LIMS2: variants seen among roughly 807,000 people sequenced by gnomAD.
The protein encoded by LIMS2 is LIM and senescent cell antigen-like-containing domain protein 2.
A neutral mutation model predicts 45.3 loss-of-function variants in LIMS2; 30 were observed. The observed-to-expected ratio is 0.66, with a 90% CI of 0.50 to 0.90. The LOEUF (loss-of-function observed/expected upper bound fraction) is 0.90. Among genes scored for constraint, LIMS2 ranks in the 40% least tolerant of loss-of-function variants. The probability of loss-of-function intolerance (pLI) is 0.00; values close to 1 mark genes in which losing one functional copy is unlikely to be tolerated. For synonymous variants in LIMS2, 173 were observed against 188.0 expected (o/e 0.92, Z 0.65); for missense variants, 485 against 468.7 (o/e 1.03, Z -0.32).
Position 127,654,588 on chromosome 2 carries a change from T to C in LIMS2, c.239-44A>G, listed in dbSNP as rs547160677. 3.7e-6 allele frequency: 6 copies of C among 1,613,252 alleles called. No individual in the cohort carries two copies. The South Asian group carries it at 5.5e-5, about 15-fold the overall frequency. ...CTGCTGGCTGGGGAGCACGTGCCTG[T>C]CCCCTCTTCGGACCCTCCCAAGCCC... On this transcript the variant is annotated intron_variant, in intron 3 of 9. Coordinates refer to ENST00000355119, the MANE Select transcript of LIMS2 (RefSeq NM_001161403.3).
intron 4 of LIMS2, chr2:127,650,177 G>A (rs1248459330): frequency 9.0e-7 from 1 of 1,112,364 alleles, no homozygotes; most frequent in Admixed American, 2.1e-5. Context: ...GTCAGGGGAA[G>A]CAGAAAGCGG....
At chr2:127,668,439 C>G (rs1379664734) in intron 1 of LIMS2, among the ~76,000 whole-genome samples, 1 of 151,648 alleles carries the variant, frequency 6.6e-6, no homozygotes, top group Non-Finnish European at 1.5e-5. Flanking sequence ...GAGGCCAAGG[C>G]AGGTGGATCA....
At chr2:127,660,509 C>T (rs59473410) in intron 1 of LIMS2, among the ~76,000 whole-genome samples, 5,942 of 152,182 alleles carry the variant, frequency 0.039, 208 homozygotes, top group African/African-American at 0.094. Context: ...CAGATAATTC[C>T]GGATGTGCCA....
chr2:127,650,567 A>G (rs558867451), intron 4 of LIMS2: 56 of 619,236 alleles, frequency 9.0e-5, no homozygotes, highest in Non-Finnish European at 1.4e-4. Flanking sequence ...CCAAATGGAC[A>G]AGGAGGTCCC....
chr2:127,640,362 C>A (rs1359761188), intron 7 of LIMS2, 44 bp from the exon 8 acceptor site: 2 of 1,600,954 alleles, frequency 1.2e-6, no homozygotes, highest in South Asian at 1.1e-5. Flanking sequence ...GGCAGTCACA[C>A]CCCAGCCCAG....
chr2:127,660,879 T>C (rs1340011371), intron 1 of LIMS2, among the ~76,000 whole-genome samples: 2 of 145,836 alleles, frequency 1.4e-5, no homozygotes, highest in Admixed American at 6.8e-5. Flanking sequence ...AGGGAGATCA[T>C]TGCTGCCTGT....
chr2:127,664,193 GCAGAGCC>G lies in LIMS2; in HGVS notation c.12-6638_12-6632del. The G allele has an allele frequency of 1.1e-6, 1 of 877,574 alleles. No individual in the cohort carries two copies. The highest frequency in any genetic ancestry group is 1.5e-6 in the Non-Finnish European group (1 of 683,094). The allele number at this position is 877,574 out of a possible 1,614,324, so 54.4% of individuals were successfully genotyped here. On this transcript the variant is annotated intron_variant, in intron 1 of 9. Coordinates refer to ENST00000355119, the MANE Select transcript of LIMS2 (RefSeq NM_001161403.3). This position sits in a 1 kb window ranked among gnomAD's most constrained non-coding sequence, Gnocchi z 5.5. ...AACCCAGGGCCCATCCGACGCCGGG[GCAGAGCC>G]CACGGCGTCGGAGGGCCCCGGTCGG... is the stretch of plus-strand genomic sequence containing the variant.
intron 4 of LIMS2, 117 bp downstream of exon 4, chr2:127,654,307 G>A: frequency 2.1e-6 from 3 of 1,405,178 alleles, no homozygotes; most frequent in Non-Finnish European, 3.0e-6. Context: ...ATCAGTGCAG[G>A]CTGCAGCACC....
At position 127,642,423 on chromosome 2, in the gene LIMS2, C is replaced by G. The variant is rs1021873865; in HGVS notation, c.510-224G>C. 1.0e-5 allele frequency: 5 copies of G among 478,104 alleles called. No homozygotes were observed. In the East Asian group the frequency reaches 1.3e-4, roughly 13 times the overall value. The allele number at this position is 478,104 out of a possible 1,614,324, so 29.6% of individuals were successfully genotyped here. ...ACAGCCCAGAAGAGTGGGCTGTGTT[C>G]TGCACCCAGGCCTCTGAGAAGCAGG... On this transcript the variant is annotated intron_variant, in intron 5 of 9. Transcript: ENST00000355119. The surrounding 1 kb of genome is among the most constrained non-coding windows in gnomAD (Gnocchi z 5.3).
chr2:127,677,815 G>A (rs1394629252), upstream of LIMS2, among the ~76,000 whole-genome samples: 6 of 152,340 alleles, frequency 3.9e-5, no homozygotes, highest in African/African-American at 1.4e-4. This position sits in a 1 kb window ranked among gnomAD's most constrained non-coding sequence, Gnocchi z 5.0. Context: ...ACATTTGTCT[G>A]TGGTAGAAAA....
chr2:127,641,023 G>A, intron 6 of LIMS2, 35 bp from the exon 7 acceptor site: 1 of 1,578,552 alleles, frequency 6.3e-7, no homozygotes, highest in Non-Finnish European at 8.7e-7. Context: ...GTGGCATCAG[G>A]GCTAGAGCGG....
chr2:127,643,477 C>T (rs1682643284), intron 4 of LIMS2: 2 of 457,142 alleles, frequency 4.4e-6, no homozygotes, highest in Non-Finnish European at 8.8e-6. Context: ...CAGTGAGTGT[C>T]CCGGGAGGCC....
In LIMS2 at chr2:127,642,582, C is replaced by G. The variant is rs954734059; in HGVS notation, c.509+341G>C. The stretch of plus-strand genomic sequence containing the variant: ...GCCTATGCAACTCCTCTCTCCAACA[C>G]CAGCACCAAGCCCACTCCCGGTCTC... On this transcript the variant is annotated intron_variant, in intron 5 of 9. Transcript: ENST00000355119. This position sits in a 1 kb window ranked among gnomAD's most constrained non-coding sequence, Gnocchi z 5.3. 5.1e-5 allele frequency: 20 copies of G among 389,804 alleles called. No individual in the cohort carries two copies. Among genetic ancestry groups the G allele is most frequent in the African/African-American group, 4.1e-4 (20 of 49,174 alleles). The allele number at this position is 389,804 out of a possible 1,614,324, so 24.1% of individuals were successfully genotyped here.
At position 127,639,139 on chromosome 2, in the gene LIMS2, A is replaced by C; in HGVS notation, c.*142T>G. 6.0e-6 allele frequency: 5 copies of C among 826,536 alleles called. No homozygotes were observed. Among genetic ancestry groups the C allele is most frequent in the East Asian group, 2.7e-5 (1 of 37,376 alleles). The allele number at this position is 826,536 out of a possible 1,614,324, so 51.2% of individuals were successfully genotyped here. On this transcript the variant is annotated 3_prime_UTR_variant, in exon 10 of 10. Coordinates refer to ENST00000355119, the MANE Select transcript of LIMS2 (RefSeq NM_001161403.3). ...ACATGGGGAAGGCAGAGATGAGGGAACAGGAAGGGAGAAGGCAATGAGGAA... is the reference window on the plus strand; with the variant it reads ...ACATGGGGAAGGCAGAGATGAGGGACCAGGAAGGGAGAAGGCAATGAGGAA...
At chr2:127,641,939 C>G (rs1682452047) in intron 6 of LIMS2, 110 bp downstream of exon 6, 1 of 1,312,594 alleles carries the variant, frequency 7.6e-7, no homozygotes, top group Non-Finnish European at 1.0e-6. Context: ...TCGTTGGGAG[C>G]CAGCCACCCG....
At chr2:127,657,627 G>C in intron 1 of LIMS2, 65 bp from the exon 2 acceptor site, 2 of 1,484,502 alleles carry the variant, frequency 1.3e-6, no homozygotes, top group Non-Finnish European at 1.8e-6. Flanking sequence ...GCACACGCGG[G>C]GGCCTGCGCC....
At chr2:127,677,800 A>G (rs1685535697), upstream of LIMS2, among the ~76,000 whole-genome samples, 1 of 152,196 alleles carries the variant, frequency 6.6e-6, no homozygotes. The surrounding 1 kb of genome is among the most constrained non-coding windows in gnomAD (Gnocchi z 5.0). Context: ...GTTCTAGAAT[A>G]GGCAACATTT....
chr2:127,680,761 C>T (rs557434341), intron 1 of LIMS2, among the ~76,000 whole-genome samples: 53 of 152,288 alleles, frequency 3.5e-4, no homozygotes, highest in African/African-American at 1.1e-3. Context: ...CCTTGGAGTT[C>T]GGGAGGAAAA....
At chr2:127,680,179 G>A (rs182010102), upstream of LIMS2, among the ~76,000 whole-genome samples, 26 of 152,212 alleles carry the variant, frequency 1.7e-4, no homozygotes, top group Admixed American at 8.5e-4. Context: ...CTGCACAGCC[G>A]GAGCCCTCCC....
Sources: allele counts gnomAD v4.1 joint callset (sites outside exome capture counted in the v4.1 genomes callset), GRCh38; gene constraint gnomAD v4.1.1; non-coding constraint Gnocchi (gnomAD v3.1); transcripts MANE v1.5; gene names NCBI Gene and HGNC (gene_info 2026-07-23, HGNC 2026-07-21).